Variants in PDE4D observed in about 807,000 individuals in gnomAD.
PDE4D encodes phosphodiesterase 4D, also known as 3',5'-cyclic-AMP phosphodiesterase 4D.
Under a neutral mutation model 87.4 loss-of-function variants are expected in PDE4D, and 24 were observed. That is an observed-to-expected ratio of 0.27 (90% CI 0.20 to 0.39). The LOEUF (loss-of-function observed/expected upper bound fraction) is 0.39, where lower values mean the gene tolerates loss of function less well. Among genes scored for constraint, PDE4D ranks in the 10% least tolerant of loss-of-function variants. The pLI is 1.00. For synonymous variants in PDE4D, 384 were observed against 383.2 expected (o/e 1.00, Z -0.02); for missense variants, 714 against 1,041.0 (o/e 0.69, Z 4.32).
At chr5:60,140,151 A>T (rs531272162) in intron 2 of PDE4D, among the ~76,000 whole-genome samples, 2 of 152,110 alleles carry the variant, frequency 1.3e-5, no homozygotes, top group Non-Finnish European at 2.9e-5. Flanking sequence ...TGAAGCAATT[A>T]ATTGTTGCAG....
chr5:59,388,604 T>C (rs955199377), intron 1 of PDE4D, among the ~76,000 whole-genome samples: 2 of 129,528 alleles, frequency 1.5e-5, no homozygotes, highest in African/African-American at 5.5e-5. Context: ...TCATCAACAA[T>C]GAATGGATAA....
At chr5:59,184,446 C>T (rs1258845390) in intron 4 of PDE4D, among the ~76,000 whole-genome samples, 1 of 151,854 alleles carries the variant, frequency 6.6e-6, no homozygotes, top group Admixed American at 6.6e-5. Context: ...GTTATAGTTC[C>T]TAATACACTT....
At chr5:60,274,605 C>T (rs1274558000) in intron 1 of PDE4D, among the ~76,000 whole-genome samples, 2 of 152,208 alleles carry the variant, frequency 1.3e-5, no homozygotes, top group African/African-American at 2.4e-5. Flanking sequence ...AAGTGATCCA[C>T]CCGCCTCAGC....
At chr5:59,377,907 G>T (rs995029962) in intron 1 of PDE4D, among the ~76,000 whole-genome samples, 4 of 152,146 alleles carry the variant, frequency 2.6e-5, no homozygotes, top group Non-Finnish European at 5.9e-5. Flanking sequence ...AATACCATTT[G>T]ACCCAGCAAT....
At chr5:59,408,813 G>A (rs944424847) in intron 1 of PDE4D, among the ~76,000 whole-genome samples, 2 of 152,118 alleles carry the variant, frequency 1.3e-5, no homozygotes, top group South Asian at 4.2e-4. Flanking sequence ...ACTTGGGTGG[G>A]GCCTGAAGTC....
intron 1 of PDE4D, among the ~76,000 whole-genome samples, chr5:59,467,933 A>G (rs748781316): frequency 6.6e-6 from 1 of 152,026 alleles, no homozygotes; most frequent in Non-Finnish European, 1.5e-5. Context: ...TCATAGCTAT[A>G]CACATGAAAT....
chr5:60,431,626 C>T (rs528613158), intron 1 of PDE4D, among the ~76,000 whole-genome samples: 51 of 146,436 alleles, frequency 3.5e-4, no homozygotes, highest in Non-Finnish European at 5.4e-4. Flanking sequence ...ACGTCCCAGA[C>T]GATGGGCGGC....
At chr5:59,596,339 A>C (rs183047590) in intron 1 of PDE4D, among the ~76,000 whole-genome samples, 1 of 151,560 alleles carries the variant, frequency 6.6e-6, no homozygotes, top group East Asian at 1.9e-4. Flanking sequence ...AGAAATACAA[A>C]AAAAAAAAGA....
intron 2 of PDE4D, among the ~76,000 whole-genome samples, chr5:60,154,928 G>A (rs983095338): frequency 1.3e-5 from 2 of 152,144 alleles, no homozygotes; most frequent in Non-Finnish European, 1.5e-5. Flanking sequence ...CATTCTCACA[G>A]CTGATTAGTA....
chr5:59,892,449 C>T (rs1751088931), intron 1 of PDE4D, among the ~76,000 whole-genome samples: 1 of 152,162 alleles, frequency 6.6e-6, no homozygotes, highest in Admixed American at 6.6e-5. Flanking sequence ...CACACAAGCT[C>T]GCACACACCG....
chr5:60,463,208 T>C (rs1008318620), intron 1 of PDE4D, among the ~76,000 whole-genome samples: 1 of 152,170 alleles, frequency 6.6e-6, no homozygotes, highest in Non-Finnish European at 1.5e-5. Flanking sequence ...TAATCAGGAC[T>C]AGTCAGTGCA....
intron 1 of PDE4D, among the ~76,000 whole-genome samples, chr5:60,493,152 C>A (rs956148397): frequency 6.6e-6 from 1 of 152,066 alleles, no homozygotes; most frequent in Non-Finnish European, 1.5e-5. Flanking sequence ...GGACACTAAC[C>A]CAGGACATGA....
intron 1 of PDE4D, among the ~76,000 whole-genome samples, chr5:59,789,997 G>A (rs1475010012): frequency 1.3e-5 from 2 of 152,220 alleles, no homozygotes; most frequent in African/African-American, 4.8e-5. Context: ...CTTGGTGGGA[G>A]TGTCATTGGA....
chr5:59,478,357 TAAC>T (rs1038533784), intron 1 of PDE4D, among the ~76,000 whole-genome samples: 23 of 152,086 alleles, frequency 1.5e-4, no homozygotes, highest in Admixed American at 4.6e-4. Context: ...TTGAGGTTTA[TAAC>T]AACATTACTT....
chr5:59,087,743 T>C (rs1489766741), intron 5 of PDE4D, among the ~76,000 whole-genome samples: 1 of 152,142 alleles, frequency 6.6e-6, no homozygotes. Context: ...AGTGCCACAA[T>C]CTGTAACCTG....
chr5:59,979,443 T>TGTGTGTGTGTGTG (rs1561937917), intron 3 of PDE4D, among the ~76,000 whole-genome samples: 13 of 151,640 alleles, frequency 8.6e-5, no homozygotes, highest in African/African-American at 1.9e-4. Flanking sequence ...TGTGTGTGTG[T>TGTGTGTGTGTGTG]TTATGATAAC....
chr5:59,899,162 A>T lies in PDE4D; in HGVS notation c.272+89326T>A, dbSNP rs191103185. ...TGCAACAGTATGCTTTTTTCATCAC[A>T]TTTTAACATTATAATGATCAGGATG... is the stretch of plus-strand genomic sequence containing the variant. On this transcript the variant is annotated intron_variant, in intron 3 of 16. Coordinates refer to the PDE4D transcript ENST00000502484. 3.9e-4 allele frequency among the ~76,000 whole-genome samples: 60 copies of T among 152,210 alleles called. 1 individual carries two copies. The East Asian group carries it at 0.011, about 28-fold the overall frequency.
At chr5:60,048,112 T>A (rs954021072) in intron 2 of PDE4D, among the ~76,000 whole-genome samples, 1 of 152,064 alleles carries the variant, frequency 6.6e-6, no homozygotes, top group African/African-American at 2.4e-5. Context: ...CCCTTTACCA[T>A]TATGTAATGG....
At chr5:60,391,793 C>T (rs1214986666) in intron 1 of PDE4D, among the ~76,000 whole-genome samples, 1 of 152,152 alleles carries the variant, frequency 6.6e-6, no homozygotes, top group Non-Finnish European at 1.5e-5. Flanking sequence ...AGAACATAAA[C>T]CTCTTTGGGG....
Sources: allele counts gnomAD v4.1 joint callset (sites outside exome capture counted in the v4.1 genomes callset), GRCh38; gene constraint gnomAD v4.1.1; transcripts MANE v1.5; gene names NCBI Gene and HGNC (gene_info 2026-07-23, HGNC 2026-07-21).